PALMD: variants seen among roughly 807,000 people sequenced by gnomAD.
PALMD encodes paralemmin-like protein.
PALMD carries 42 observed loss-of-function variants against 56.2 expected under a neutral mutation model. That is an observed-to-expected ratio of 0.75 (90% CI 0.58 to 0.97). PALMD has a LOEUF of 0.97. Ranked by LOEUF, PALMD falls within the 50% of genes least tolerant of loss-of-function variation. The pLI is 0.00. For missense variants in PALMD, 660 were observed against 643.8 expected (o/e 1.03, Z -0.27); for synonymous variants, 242 against 222.9 (o/e 1.09, Z -0.76).
At chr1:99,650,044 G>T (rs1197717736) in intron 1 of PALMD, among the ~76,000 whole-genome samples, 2 of 152,106 alleles carry the variant, frequency 1.3e-5, no homozygotes, top group Admixed American at 6.5e-5. Flanking sequence ...GGAATGTGAG[G>T]AGTGGGGATG....
rs1365850335 is a variant in PALMD, at chr1:99,686,686, G to C, written c.262G>C (p.Glu88Gln). Residue 88 changes from glutamate (E) to glutamine (Q), a missense_variant, in exon 4 of 8, where the codon GAG becomes CAG. Glu to Gln is a conservative substitution (Grantham distance 29). Coordinates refer to ENST00000263174, the MANE Select transcript of PALMD (RefSeq NM_017734.5). ...CCTTTTTGTTGTCAGGCTTGAGAAA[G>C]AGATCCAAGATCTTGAAAAAGCTGA... The part of the protein sequence containing the change: ...LEQSILRLEK[E>Q]IQDLEKAELQ... 6.3e-7 allele frequency: 1 copy of C among 1,577,136 alleles called. No individual in the cohort carries two copies. Among genetic ancestry groups the C allele is most frequent in the African/African-American group, 1.4e-5 (1 of 73,662 alleles).
intron 1 of PALMD, among the ~76,000 whole-genome samples, chr1:99,658,567 C>A (rs1023163087): frequency 6.6e-6 from 1 of 151,484 alleles, no homozygotes; most frequent in Non-Finnish European, 1.5e-5. Flanking sequence ...GTCAGGAGAT[C>A]GAGACCATCC....
At chr1:99,684,398 T>C (rs1364964041) in intron 3 of PALMD, 1 of 152,218 alleles carries the variant, frequency 6.6e-6, no homozygotes, top group Non-Finnish European at 1.5e-5. Flanking sequence ...CATAAACTCC[T>C]TGAGCTCAGG....
At chr1:99,653,391 A>T (rs1652640115) in intron 1 of PALMD, among the ~76,000 whole-genome samples, 1 of 152,176 alleles carries the variant, frequency 6.6e-6, no homozygotes, top group Admixed American at 6.5e-5. Flanking sequence ...GTTAGAACAA[A>T]CAAGATAGGG....
Position 99,689,846 on chromosome 1 carries a change from A to G in PALMD, c.1586A>G (p.Asp529Gly). 1 of 1,610,780 alleles carries G rather than the reference A, an allele frequency of 6.2e-7. No individual in the cohort carries two copies. Among genetic ancestry groups the G allele is most frequent in the Non-Finnish European group, 8.5e-7 (1 of 1,179,376 alleles). The change falls in exon 7 of 8, where the codon GAT becomes GGT. Residue 529 changes from aspartate to glycine, a missense_variant. Transcript: ENST00000263174. ...CCATTTGATGCTCAGACAACTGGAG[A>G]TGGGACTGAGGATCCATCCTTAACA... ...HSPFDAQTTG[D>G]GTEDPSLTAL...
In PALMD at chr1:99,652,684, G is replaced by A. The variant is rs200503499; in HGVS notation, c.45+6322G>A. On this transcript the variant is annotated intron_variant, in intron 1 of 7. Coordinates refer to ENST00000263174, the MANE Select transcript of PALMD (RefSeq NM_017734.5). ...AGAAAGGAAAGGAAAGGAAAGGAAA[G>A]GAAAGGAAAGGAAAAGAAAAGAAAA... 9.3e-3 allele frequency among the ~76,000 whole-genome samples: 659 copies of A among 70,766 alleles called. 7 individuals are homozygous for A. The highest frequency in any genetic ancestry group is 0.07 in the East Asian group (87 of 1,238). The allele number at this position is 70,766 out of a possible 152,430, so 46.4% of individuals were successfully genotyped here.
chr1:99,650,284 TGAAAAAAAAAAAAAAAAA>T (rs1451204792), intron 1 of PALMD, among the ~76,000 whole-genome samples: 1 of 44,658 alleles, frequency 2.2e-5, no homozygotes. Flanking sequence ...CTGCTCATAA[TGAAAAAAAAAAAAAAAAA>T]AAAAAAAAAA....
Position 99,646,243 on chromosome 1 carries a change from C to A in PALMD, c.-75C>A. The A allele has an allele frequency of 1.7e-6, 2 of 1,184,116 alleles. No individual in the cohort carries two copies. The highest frequency in any genetic ancestry group is 1.3e-6 in the Non-Finnish European group (1 of 789,170). 73.4% of individuals were successfully genotyped at this position (1,184,116 alleles called of 1,614,324 possible). On this transcript the variant is annotated 5_prime_UTR_variant, in exon 1 of 8. Transcript: ENST00000263174. ...TGCTTCTCTTCTGTCACCCCCGCTC[C>A]TCTCCCCCAGGAGGCTCCTTGATTT...
intron 7 of PALMD, among the ~76,000 whole-genome samples, chr1:99,691,959 C>G (rs1165344224): frequency 6.6e-6 from 1 of 152,214 alleles, no homozygotes; most frequent in South Asian, 2.1e-4. Context: ...CCTGGAGATT[C>G]AAAAGACAAG....
chr1:99,653,492 T>C (rs1652643268), intron 1 of PALMD, among the ~76,000 whole-genome samples: 1 of 152,072 alleles, frequency 6.6e-6, no homozygotes, highest in Non-Finnish European at 1.5e-5. Context: ...AAGACTACAA[T>C]TATTTGATAA....
intron 7 of PALMD, 109 bp downstream of exon 7, chr1:99,689,981 C>G: frequency 6.3e-6 from 6 of 951,950 alleles, no homozygotes; most frequent in Non-Finnish European, 7.7e-6. Flanking sequence ...TAAACTAATA[C>G]GCACTGAGAT....
chr1:99,679,924 C>A (rs867351930), intron 3 of PALMD, among the ~76,000 whole-genome samples: 5 of 152,282 alleles, frequency 3.3e-5, no homozygotes, highest in Middle Eastern at 3.4e-3. Context: ...ACGAAATAGG[C>A]CAGTGCCTGG....
At chr1:99,684,470 T>C (rs1471850350) in intron 3 of PALMD, 4 of 152,138 alleles carry the variant, frequency 2.6e-5, no homozygotes, top group Non-Finnish European at 5.9e-5. Flanking sequence ...TCAAAGTAGA[T>C]GCTAAGTAAA....
chr1:99,690,259 T>C (rs908674120), intron 7 of PALMD, among the ~76,000 whole-genome samples: 8 of 152,184 alleles, frequency 5.3e-5, no homozygotes, highest in African/African-American at 2.4e-5. Context: ...AAACTTCTTA[T>C]ATAAGTTAAC....
rs1557673780 is a variant in PALMD at position 99,683,046 on chromosome 1, AAGAAAGAAAGAGAGAG to A, written c.252-3626_252-3611del. The stretch of plus-strand genomic sequence containing the variant: ...AAAGAAAGAAAGAAAGAAAGAAAGA[AAGAAAGAAAGAGAGAG>A]AGAGAGAGAGAGAGAGAGAGAGAGA... On this transcript the variant is annotated intron_variant, in intron 3 of 7. Transcript: ENST00000263174. Among the ~76,000 whole-genome samples the A allele has an allele frequency of 8.9e-3, 171 of 19,150 alleles. 15 individuals are homozygous for A. The highest frequency in any genetic ancestry group is 0.027 in the African/African-American group (159 of 5,800). The allele number at this position is 19,150 out of a possible 152,430, so 12.6% of individuals were successfully genotyped here. A position where few individuals can be genotyped will look rare whatever the true frequency, so the allele number is the denominator to read the frequency against.
intron 4 of PALMD, 36 bp from the exon 5 acceptor site, chr1:99,686,894 A>G: frequency 1.4e-6 from 2 of 1,461,906 alleles, no homozygotes; most frequent in Non-Finnish European, 9.5e-7. Flanking sequence ...TATTTTTTAA[A>G]CTGTATTAAT....
At chr1:99,674,876 G>A (rs1653167330) in intron 3 of PALMD, among the ~76,000 whole-genome samples, 3 of 152,224 alleles carry the variant, frequency 2.0e-5, no homozygotes, top group African/African-American at 4.8e-5. Flanking sequence ...CAAGAGCAGC[G>A]ACTCATTGTA....
chr1:99,658,519 C>T (rs186455741), intron 1 of PALMD, among the ~76,000 whole-genome samples: 1 of 152,002 alleles, frequency 6.6e-6, no homozygotes, highest in Admixed American at 6.6e-5. Context: ...TGCCTGTAAT[C>T]CCAGCACTTT....
intron 4 of PALMD, 26 bp downstream of exon 4, chr1:99,686,816 G>A (rs762444057): frequency 2.2e-6 from 3 of 1,391,516 alleles, no homozygotes; most frequent in South Asian, 2.4e-5. Context: ...TTTTAAAACT[G>A]TAATTCTCTC....
Sources: allele counts gnomAD v4.1 joint callset (sites outside exome capture counted in the v4.1 genomes callset), GRCh38; gene constraint gnomAD v4.1.1; transcripts MANE v1.5; gene names NCBI Gene and HGNC (gene_info 2026-07-23, HGNC 2026-07-21).